The following PJVK variants were observed in gnomAD, a reference collection of about 807,000 sequenced individuals.
PJVK encodes autosomal recessive deafness type 59 protein.
A neutral mutation model predicts 37.6 loss-of-function variants in PJVK; 33 were observed. The ratio of observed to expected loss-of-function variants is 0.88; its 90% confidence interval spans 0.67 to 1.17. The LOEUF (loss-of-function observed/expected upper bound fraction) is 1.17. Ranked by LOEUF, PJVK falls within the 50% of genes most tolerant of loss-of-function variation. The pLI, the probability that PJVK is intolerant of heterozygous loss-of-function variation, is 0.00. For synonymous variants in PJVK, 141 were observed against 143.5 expected, an observed-to-expected ratio of 0.98 and a Z score of 0.13; for missense variants, 410 against 413.8, an observed-to-expected ratio of 0.99 and a Z score of 0.08.
Position 178,454,806 on chromosome 2 carries a change from G to A in PJVK, c.407+279G>A, listed in dbSNP as rs1683917734. On this transcript the variant is annotated intron_variant, in intron 3 of 6. Coordinates refer to ENST00000644580, the MANE Select transcript of PJVK (RefSeq NM_001042702.5). Reference sequence around the variant, plus strand: ...AGAGATTGACCAGAAATAGGATGCAGAGAATCATGAGGCCCAGATCAAGAA... The same window carrying A: ...AGAGATTGACCAGAAATAGGATGCAAAGAATCATGAGGCCCAGATCAAGAA... 31 of 1,430,894 alleles carry A rather than the reference G, an allele frequency of 2.2e-5. No homozygotes were observed. The South Asian group carries it at 3.5e-4, about 16-fold the overall frequency. The allele number at this position is 1,430,894 out of a possible 1,614,324, so 88.6% of individuals were successfully genotyped here.
Position 178,461,411 on chromosome 2 carries a change from A to G in PJVK, c.*137A>G, listed in dbSNP as rs1217773571. ...AGAAATTAACCTGTCTGGGTATCAT[A>G]TTCCCTATCTATAAAGTAGCAATTA... On this transcript the variant is annotated 3_prime_UTR_variant, in exon 7 of 7. Coordinates refer to ENST00000644580, the MANE Select transcript of PJVK (RefSeq NM_001042702.5). 7 of 895,304 alleles carry G rather than the reference A, an allele frequency of 7.8e-6. No individual in the cohort carries two copies. The highest frequency in any genetic ancestry group is 1.2e-5 in the Non-Finnish European group (7 of 582,470). The allele number at this position is 895,304 out of a possible 1,614,324, so 55.5% of individuals were successfully genotyped here.
Position 178,454,206 on chromosome 2 carries a change from GT to G in PJVK, c.212-125del, listed in dbSNP as rs556791744. 1,345 of 723,232 alleles carry G rather than the reference GT, an allele frequency of 1.9e-3. 30 individuals are homozygous for G. The highest frequency in any genetic ancestry group is 0.018 in the South Asian group (848 of 47,666). 44.8% of individuals were successfully genotyped at this position (723,232 alleles called of 1,614,324 possible). A position where few individuals can be genotyped will look rare whatever the true frequency, so the allele number is the denominator to read the frequency against. On this transcript the variant is annotated intron_variant, in intron 2 of 6. Transcript: ENST00000644580. ...AATTGAATTACTACTTTAAGTCTTG[GT>G]GAGTCATGTTGCCTTTCTCTAACAT...
In PJVK at chr2:178,462,059, A is replaced by C. The variant is rs1684531618; in HGVS notation, c.*785A>C. 6.6e-6 allele frequency among the ~76,000 whole-genome samples: 1 copy of C among 152,206 alleles called. No homozygotes were observed. The highest frequency in any genetic ancestry group is 2.4e-5 in the African/African-American group (1 of 41,460). The stretch of plus-strand genomic sequence containing the variant: ...TGTGTTAATAATTTAATGCAATCTT[A>C]AATGTTTAATTGCAGTATCAAATTA... On this transcript the variant is annotated 3_prime_UTR_variant, in exon 7 of 7. Transcript: ENST00000644580.
chr2:178,461,040 T>C lies in PJVK; in HGVS notation c.825T>C (p.Ser275=). 6.2e-7 allele frequency: 1 copy of C among 1,614,108 alleles called. No individual in the cohort carries two copies. Among genetic ancestry groups the C allele is most frequent in the Non-Finnish European group, 8.5e-7 (1 of 1,180,018 alleles). Residue 275 remains serine (S), a synonymous_variant, in exon 7 of 7, where the codon TCT becomes TCC. Coordinates refer to ENST00000644580, the MANE Select transcript of PJVK (RefSeq NM_001042702.5). The part of the protein sequence containing the change: ...RSQLYLDDLF[S]DYYDKPLSMT... ...AGCTTTACTTGGATGATCTTTTTTC[T>C]GACTACTATGACAAACCTCTCAGCA...
Position 178,451,700 on chromosome 2 carries a change from A to G in PJVK, c.-92A>G. On this transcript the variant is annotated 5_prime_UTR_variant, in exon 1 of 7. Transcript: ENST00000644580. Reference sequence around the variant, plus strand: ...GTTTAGGAACACGCGGGGACGTCCAAACACCCGCTCCTCTCCCGCCGGGCG... The same window carrying G: ...GTTTAGGAACACGCGGGGACGTCCAGACACCCGCTCCTCTCCCGCCGGGCG... The G allele has an allele frequency of 3.3e-6, 3 of 906,372 alleles. No homozygotes were observed. Among genetic ancestry groups the G allele is most frequent in the African/African-American group, 1.8e-5 (1 of 55,616 alleles). The allele number at this position is 906,372 out of a possible 1,614,324, so 56.1% of individuals were successfully genotyped here. A position where few individuals can be genotyped will look rare whatever the true frequency, so the allele number is the denominator to read the frequency against.
At chr2:178,452,665 A>AT (rs1697763535) in intron 1 of PJVK, 1 of 978,570 alleles carries the variant, frequency 1.0e-6, no homozygotes, top group South Asian at 4.7e-5. Flanking sequence ...ATAATGAAAC[A>AT]AAAAGATGCA....
At chr2:178,458,406 T>C in intron 4 of PJVK, 104 bp from the exon 5 acceptor site, 1 of 934,772 alleles carries the variant, frequency 1.1e-6, no homozygotes, top group Non-Finnish European at 1.6e-6. Flanking sequence ...CTTGGGAATT[T>C]TTTGTTTTGT....
At chr2:178,457,107 TACA>T (rs1684156975) in intron 4 of PJVK, among the ~76,000 whole-genome samples, 1 of 152,148 alleles carries the variant, frequency 6.6e-6, no homozygotes, top group Non-Finnish European at 1.5e-5. Flanking sequence ...TAGCTGGGAC[TACA>T]GGCACCTGCC....
chr2:178,453,976 C>A, intron 2 of PJVK: 1 of 310,396 alleles, frequency 3.2e-6, no homozygotes, highest in Non-Finnish European at 6.4e-6. Flanking sequence ...TTTTACAATT[C>A]AATTATTACA....
At chr2:178,459,923 TACTATGA>T (rs1684377521) in intron 5 of PJVK, 1 of 175,460 alleles carries the variant, frequency 5.7e-6, no homozygotes, top group African/African-American at 2.4e-5. Context: ...TGCAAGAGAA[TACTATGA>T]AGCCAATAAG....
intron 1 of PJVK, chr2:178,452,437 T>C: frequency 1.0e-6 from 1 of 985,416 alleles, no homozygotes; most frequent in Non-Finnish European, 1.2e-6. Flanking sequence ...TTCCTCTCCG[T>C]CTATATATGT....
chr2:178,454,744 A>C lies in PJVK; in HGVS notation c.407+217A>C. On this transcript the variant is annotated intron_variant, in intron 3 of 6. Coordinates refer to ENST00000644580, the MANE Select transcript of PJVK (RefSeq NM_001042702.5). ...TCAGAGACCTCAGGGCCCCAGATCA[A>C]GGAGCTAACTGATGAAGAGGCAGAG... 1.9e-6 allele frequency: 3 copies of C among 1,571,574 alleles called. No individual in the cohort carries two copies. The South Asian group carries it at 3.5e-5, about 18-fold the overall frequency.
chr2:178,456,273 T>G (rs1684075741), intron 4 of PJVK, 122 bp downstream of exon 4: 7 of 1,277,652 alleles, frequency 5.5e-6, no homozygotes, highest in South Asian at 2.6e-5. Flanking sequence ...GAGCTGCAGT[T>G]GTATAGGATT....
At position 178,461,233 on chromosome 2, in the gene PJVK, G is replaced by A. The variant is rs765307248; in HGVS notation, c.1018G>A (p.Ala340Thr). The A allele has an allele frequency of 6.2e-7, 1 of 1,614,156 alleles. No homozygotes were observed. Among genetic ancestry groups the A allele is most frequent in the South Asian group, 1.1e-5 (1 of 91,086 alleles). The change falls in exon 7 of 7, where the codon GCA becomes ACA. Residue 340 changes from alanine to threonine, a missense_variant. Transcript: ENST00000644580. Reference sequence around the variant, plus strand: ...TGGTCAGAAGTATGTGAGACTTCATGCAGTTCCTTGTTTTGATATTTGGCA... The same window carrying A: ...TGGTCAGAAGTATGTGAGACTTCATACAGTTCCTTGTTTTGATATTTGGCA... ...VDGQKYVRLH[A>T]VPCFDIWHKR...
rs917126574 is a variant in PJVK, at chr2:178,461,572, A to T, written c.*298A>T. 1.4e-5 allele frequency among the ~76,000 whole-genome samples: 2 copies of T among 144,442 alleles called. No homozygotes were observed. The highest frequency in any genetic ancestry group is 3.0e-5 in the Non-Finnish European group (2 of 66,834). The allele number at this position is 144,442 out of a possible 152,430, so 94.8% of individuals were successfully genotyped here. On this transcript the variant is annotated 3_prime_UTR_variant, in exon 7 of 7. Coordinates refer to ENST00000644580, the MANE Select transcript of PJVK (RefSeq NM_001042702.5). ...AATCATTTTTGGGATGTAGTCTATC[A>T]TTTTAGTTCACCTTTTTTTTTTTTT... is the stretch of plus-strand genomic sequence containing the variant.
rs148452372 is a variant in PJVK at position 178,459,012 on chromosome 2, G to A, written c.667+385G>A. Among the ~76,000 whole-genome samples, 829 of 152,256 alleles carry A rather than the reference G, an allele frequency of 5.4e-3. 10 individuals are homozygous for A. Among genetic ancestry groups the A allele is most frequent in the African/African-American group, 0.019 (797 of 41,534 alleles). On this transcript the variant is annotated intron_variant, in intron 5 of 6. Coordinates refer to ENST00000644580, the MANE Select transcript of PJVK (RefSeq NM_001042702.5). The stretch of plus-strand genomic sequence containing the variant: ...AGATAGTAGGATGCCTGAAGTGTTA[G>A]GATGCCCAAACCAGGGCCTCTAAAG...
At chr2:178,454,002 T>G in intron 2 of PJVK, 1 of 317,828 alleles carries the variant, frequency 3.1e-6, no homozygotes, top group South Asian at 3.8e-5. Context: ...TAAACTGAAA[T>G]GTATTGAAGG....
rs1697676958 is a variant in PJVK at position 178,451,749 on chromosome 2, C to T, written c.-43C>T. The T allele has an allele frequency of 4.1e-6, 4 of 985,152 alleles. No individual in the cohort carries two copies. The South Asian group carries it at 1.9e-4, about 46-fold the overall frequency. 61.0% of individuals were successfully genotyped at this position (985,152 alleles called of 1,614,324 possible). A position where few individuals can be genotyped will look rare whatever the true frequency, so the allele number is the denominator to read the frequency against. ...CGGGCTCCTTTGTCTTCTGGGCTTT[C>T]GTCGCGAGATGGAACGCTGGGTCAG... On this transcript the variant is annotated 5_prime_UTR_variant, in exon 1 of 7. Transcript: ENST00000644580.
chr2:178,453,027 G>A (rs1697803067), intron 1 of PJVK: 1 of 258,158 alleles, frequency 3.9e-6, no homozygotes, highest in African/African-American at 2.3e-5. Flanking sequence ...AAATTGCATT[G>A]CTTCCCACAG....
Sources: allele counts gnomAD v4.1 joint callset (sites outside exome capture counted in the v4.1 genomes callset), GRCh38; gene constraint gnomAD v4.1.1; transcripts MANE v1.5; gene names NCBI Gene and HGNC (gene_info 2026-07-23, HGNC 2026-07-21).